Variants in PLAC1 observed in about 807,000 individuals in gnomAD.
The protein encoded by PLAC1 is placenta-specific protein 1.
For missense variants in PLAC1, 136 were observed against 163.2 expected (o/e 0.83, Z 0.91); for synonymous variants, 68 against 62.1 (o/e 1.09, Z -0.44).
chrX:134,602,195 G>T (rs1202968045), intron 1 of PLAC1, 73 bp from the exon 2 acceptor site: 1 of 112,272 alleles, frequency 8.9e-6, no homozygotes, highest in Non-Finnish European at 1.9e-5. Context: ...AAAAACTACT[G>T]CCTGAGTTAG....
chrX:134,632,690 A>G (rs2078267957), intron 1 of PLAC1, among the ~76,000 whole-genome samples: 1 of 112,037 alleles, frequency 8.9e-6, no homozygotes. Flanking sequence ...GGATATATGC[A>G]TCAACCAGAT....
upstream of PLAC1, among the ~76,000 whole-genome samples, chrX:134,658,707 G>C (rs2078404209): frequency 9.0e-6 from 1 of 111,717 alleles, no homozygotes; most frequent in Non-Finnish European, 1.9e-5. Context: ...TCATGTGTTA[G>C]AAGCCATGTC....
chrX:134,652,149 AG>A (rs1209272836), intron 1 of PLAC1, among the ~76,000 whole-genome samples: 2 of 111,656 alleles, frequency 1.8e-5, no homozygotes, highest in African/African-American at 6.5e-5. Flanking sequence ...AGTGACCCAG[AG>A]GCAAATATCT....
At chrX:134,750,217 T>C (rs368923890) in intron 1 of PLAC1, among the ~76,000 whole-genome samples, 5 of 111,695 alleles carry the variant, frequency 4.5e-5, no homozygotes, top group African/African-American at 1.6e-4. Context: ...GAAAGAACCT[T>C]ATATGGAATT....
chrX:134,644,852 A>G (rs1023823651), intron 1 of PLAC1, among the ~76,000 whole-genome samples: 2 of 111,861 alleles, frequency 1.8e-5, no homozygotes, highest in Non-Finnish European at 3.8e-5. Context: ...TCTCTAGTCC[A>G]GGCGCATGTC....
At chrX:134,623,724 C>T (rs1002852684) in intron 1 of PLAC1, among the ~76,000 whole-genome samples, 1 of 111,228 alleles carries the variant, frequency 9.0e-6, no homozygotes, top group Non-Finnish European at 1.9e-5. Context: ...CCCCACATGC[C>T]GCATGTGCCT....
At chrX:134,590,004 G>A (rs1010019992) in intron 2 of PLAC1, among the ~76,000 whole-genome samples, 1 of 100,719 alleles carries the variant, frequency 9.9e-6, no homozygotes, top group Non-Finnish European at 2.0e-5. Context: ...GACCATCCTG[G>A]CTAACATGGT....
rs746392803 is a variant in PLAC1 at position 134,688,878 on chromosome X, G to A, written n.174+44557C>T. Among the ~76,000 whole-genome samples, 227 of 111,645 alleles carry A rather than the reference G, an allele frequency of 2.0e-3. 1 individual carries two copies. The highest frequency in any genetic ancestry group is 3.9e-3 in the Non-Finnish European group (206 of 53,133). On this transcript the variant is annotated intron_variant and non_coding_transcript_variant, in intron 2 of 2. Transcript: ENST00000466797. ...GCTGCTTGGAAACTACCTTTACTTG[G>A]ATGTTTCTTTACCACCTCCAACTCT...
intron 2 of PLAC1, among the ~76,000 whole-genome samples, chrX:134,697,917 A>G (rs1405561219): frequency 9.0e-6 from 1 of 111,647 alleles, no homozygotes; most frequent in African/African-American, 3.3e-5. Flanking sequence ...CCCTATTTAC[A>G]TACATGCTCT....
intron 2 of PLAC1, among the ~76,000 whole-genome samples, chrX:134,586,324 CAATTTTAAA>C (rs2077999959): frequency 8.9e-6 from 1 of 111,747 alleles, no homozygotes; most frequent in Non-Finnish European, 1.9e-5. Context: ...ATCATCTCCT[CAATTTTAAA>C]ATTCCCTGTG....
intron 1 of PLAC1, among the ~76,000 whole-genome samples, chrX:134,635,210 A>G (rs1170436804): frequency 1.8e-5 from 2 of 112,135 alleles, no homozygotes; most frequent in African/African-American, 6.5e-5. Context: ...CTGGGAGGTC[A>G]TGTGAATTAT....
At chrX:134,573,948 G>A (rs770999143) in intron 2 of PLAC1, among the ~76,000 whole-genome samples, 1 of 111,909 alleles carries the variant, frequency 8.9e-6, no homozygotes, top group South Asian at 3.8e-4. Flanking sequence ...TTGATAGGAA[G>A]GCTGTTGGTC....
intron 1 of PLAC1, among the ~76,000 whole-genome samples, chrX:134,614,596 TACACACACACAC>T (rs112359386): frequency 1.9e-5 from 2 of 106,499 alleles, no homozygotes; most frequent in Admixed American, 2.0e-4. Flanking sequence ...GTATATATGA[TACACACACACAC>T]ACACACACAA....
chrX:134,701,294 G>A (rs1268148065), intron 2 of PLAC1, among the ~76,000 whole-genome samples: 1 of 111,458 alleles, frequency 9.0e-6, no homozygotes, highest in Non-Finnish European at 1.9e-5. Context: ...ACTCAAGATG[G>A]ATCAAAAATT....
intron 1 of PLAC1, among the ~76,000 whole-genome samples, chrX:134,742,481 G>A (rs1441420751): frequency 8.9e-6 from 1 of 111,916 alleles, no homozygotes; most frequent in African/African-American, 3.3e-5. Flanking sequence ...CCAGCTACTT[G>A]GGAAACTGAG....
chrX:134,730,603 C>T (rs919411568), intron 2 of PLAC1, among the ~76,000 whole-genome samples: 1 of 110,770 alleles, frequency 9.0e-6, no homozygotes, highest in Non-Finnish European at 1.9e-5. Context: ...CGCCACTATG[C>T]CCAGCTAATT....
intron 1 of PLAC1, among the ~76,000 whole-genome samples, chrX:134,761,044 A>G (rs1430459112): frequency 9.0e-6 from 1 of 111,588 alleles, no homozygotes; most frequent in East Asian, 2.8e-4. Flanking sequence ...CCTGAATAGC[A>G]GATACTCCCA....
At chrX:134,579,528 C>T (rs2077963740) in intron 2 of PLAC1, among the ~76,000 whole-genome samples, 1 of 111,914 alleles carries the variant, frequency 8.9e-6, no homozygotes. Flanking sequence ...AACTTTAAAA[C>T]TGAGCAAACC....
chrX:134,622,504 A>T (rs777843601), intron 1 of PLAC1, among the ~76,000 whole-genome samples: 1 of 111,500 alleles, frequency 9.0e-6, no homozygotes, highest in South Asian at 3.9e-4. Context: ...TGACAGCTGG[A>T]GCTCCAAAAT....
Sources: gnomAD v4.1 joint callset for allele counts (sites outside exome capture counted in the v4.1 genomes callset) on GRCh38, gnomAD v4.1.1 for gene constraint, MANE v1.5 for transcripts, NCBI Gene and HGNC (gene_info 2026-07-23, HGNC 2026-07-21) for gene names.